CDH3: variants seen among roughly 807,000 people sequenced by gnomAD.
The protein encoded by CDH3 is cadherin-3.
A neutral mutation model predicts 82.0 loss-of-function variants in CDH3; 54 were observed. That is an observed-to-expected ratio of 0.66 (90% CI 0.53 to 0.83). The LOEUF is 0.83. Ranked by LOEUF, CDH3 falls within the 40% of genes least tolerant of loss-of-function variation. The pLI, the probability that CDH3 is intolerant of heterozygous loss-of-function variation, is 0.00. For missense variants in CDH3, 1,054 were observed against 1,084.6 expected (o/e 0.97, Z 0.40); for synonymous variants, 446 against 437.9 (o/e 1.02, Z -0.23).
downstream of CDH3, among the ~76,000 whole-genome samples, chr16:68,701,273 G>T (rs1429729145): frequency 6.6e-6 from 1 of 152,046 alleles, no homozygotes; most frequent in Non-Finnish European, 1.5e-5. Flanking sequence ...CAGAGCCTGG[G>T]CTCTGTGATG....
intron 2 of CDH3, among the ~76,000 whole-genome samples, chr16:68,663,493 C>T (rs978730351): frequency 6.6e-6 from 1 of 152,060 alleles, no homozygotes; most frequent in Non-Finnish European, 1.5e-5. Context: ...CTCGGCCTCC[C>T]AAAGTGCTGG....
intron 1 of CDH3, among the ~76,000 whole-genome samples, chr16:68,709,687 C>A (rs1486868689): frequency 6.6e-6 from 1 of 152,110 alleles, no homozygotes; most frequent in Non-Finnish European, 1.5e-5. Flanking sequence ...TCAAGCGACC[C>A]ACTCACCTCG....
chr16:68,682,869 A>C (rs974982813), intron 9 of CDH3, among the ~76,000 whole-genome samples: 7 of 152,122 alleles, frequency 4.6e-5, no homozygotes, highest in Non-Finnish European at 7.4e-5. Flanking sequence ...TGAATCACTG[A>C]GGCACACTCT....
chr16:68,685,005 A>G (rs1961364031), intron 10 of CDH3, among the ~76,000 whole-genome samples, 181 bp downstream of exon 10: 1 of 152,048 alleles, frequency 6.6e-6, no homozygotes, highest in African/African-American at 2.4e-5. Context: ...GGGGGCAGGT[A>G]TTTCTCACTC....
chr16:68,707,805 C>A lies in CDH3; in HGVS notation c.99+11882C>A, dbSNP rs936498983. 1.3e-5 allele frequency among the ~76,000 whole-genome samples: 2 copies of A among 152,028 alleles called. No individual in the cohort carries two copies. Among genetic ancestry groups the A allele is most frequent in the African/African-American group, 2.4e-5 (1 of 41,380 alleles). ...GGGTGGGAAGCCACCCCTGCATTCC[C>A]TGTACCCACTGCCCAGCAAGCGGCA... On this transcript the variant is annotated intron_variant, in intron 1 of 2. Coordinates refer to the CDH3 transcript ENST00000569080. The surrounding 1 kb of genome is among the most constrained non-coding windows in gnomAD (Gnocchi z 4.5).
intron 2 of CDH3, among the ~76,000 whole-genome samples, chr16:68,723,280 T>A (rs1962183956): frequency 6.6e-6 from 1 of 152,160 alleles, no homozygotes; most frequent in African/African-American, 2.4e-5. Context: ...AGTTATATAT[T>A]ATTCATAACA....
Position 68,699,956 on chromosome 16 carries a change from C to T in CDH3, c.*1556C>T, listed in dbSNP as rs190647620. Reference sequence around the variant, plus strand: ...TACTTTTAAAGGCCAGACAGGACTTCGATTATTTCCTCTAAATCCTCACAA... The same window carrying T: ...TACTTTTAAAGGCCAGACAGGACTTTGATTATTTCCTCTAAATCCTCACAA... On this transcript the variant is annotated 3_prime_UTR_variant, in exon 16 of 16. Coordinates refer to ENST00000264012, the MANE Select transcript of CDH3 (RefSeq NM_001793.6). The T allele has an allele frequency of 6.6e-6, 1 of 152,316 alleles. No individual in the cohort carries two copies. The highest frequency in any genetic ancestry group is 2.4e-5 in the African/African-American group (1 of 41,576). 9.4% of individuals were successfully genotyped at this position (152,316 alleles called of 1,614,324 possible).
Position 68,695,399 on chromosome 16 carries a change from G to A in CDH3, c.2133+14G>A. On this transcript the variant is annotated intron_variant, in intron 14 of 15. Coordinates refer to ENST00000264012, the MANE Select transcript of CDH3 (RefSeq NM_001793.6). ...GAAGAGGACCAGGTGGGGCACTGGG[G>A]GCTCTGGGATTGGGAGGTGGATGCC... The A allele has an allele frequency of 3.1e-6, 5 of 1,600,422 alleles. No individual in the cohort carries two copies. Among genetic ancestry groups the A allele is most frequent in the Non-Finnish European group, 4.3e-6 (5 of 1,173,850 alleles).
intron 2 of CDH3, among the ~76,000 whole-genome samples, chr16:68,646,986 C>A (rs886870320): frequency 4.2e-5 from 3 of 71,784 alleles, no homozygotes; most frequent in South Asian, 5.1e-4. Context: ...TAAAAAAATT[C>A]TTTCTGCAAA....
At chr16:68,651,247 G>A (rs1960233165) in intron 2 of CDH3, 1 of 536,618 alleles carries the variant, frequency 1.9e-6, no homozygotes, top group Non-Finnish European at 3.8e-6. Context: ...ATACTTGTTG[G>A]TGCCCAGCTT....
At chr16:68,677,833 T>C (rs987955585) in intron 3 of CDH3, among the ~76,000 whole-genome samples, 1 of 152,240 alleles carries the variant, frequency 6.6e-6, no homozygotes, top group Non-Finnish European at 1.5e-5. Flanking sequence ...TTCCACTAGA[T>C]GGATGTGCTG....
At chr16:68,654,425 G>T (rs1673570079) in intron 2 of CDH3, among the ~76,000 whole-genome samples, 1 of 89,704 alleles carries the variant, frequency 1.1e-5, no homozygotes, top group African/African-American at 4.9e-5. Flanking sequence ...TTTTGCGGCT[G>T]GGTGCGTTGG....
chr16:68,691,349 T>C (rs1961568372), intron 12 of CDH3, among the ~76,000 whole-genome samples: 1 of 151,748 alleles, frequency 6.6e-6, no homozygotes, highest in Admixed American at 6.6e-5. Flanking sequence ...AAAAAAAAAA[T>C]GGGTTAGCTA....
chr16:68,672,216 A>AT (rs1555505652), intron 2 of CDH3, among the ~76,000 whole-genome samples: 2 of 141,602 alleles, frequency 1.4e-5, no homozygotes, highest in East Asian at 4.3e-4. Context: ...AAATAAATAA[A>AT]AAATAAAAAA....
At chr16:68,683,965 G>A (rs1438935294) in intron 9 of CDH3, among the ~76,000 whole-genome samples, 3 of 151,504 alleles carry the variant, frequency 2.0e-5, no homozygotes, top group African/African-American at 7.3e-5. Context: ...TACTCGAGAG[G>A]CTGAGGCAGG....
At chr16:68,731,045 A>ATACATATATAT (rs1396395240), downstream of CDH3, among the ~76,000 whole-genome samples, 13 of 17,260 alleles carry the variant, frequency 7.5e-4, no homozygotes, top group African/African-American at 1.9e-3. Flanking sequence ...AAAAAAAAAA[A>ATACATATATAT]AAATATATAT....
At chr16:68,700,603 A>C (rs920146351), downstream of CDH3, among the ~76,000 whole-genome samples, 1 of 152,216 alleles carries the variant, frequency 6.6e-6, no homozygotes, top group African/African-American at 2.4e-5. Context: ...CAGGGGTTCG[A>C]GACCAGCCTG....
chr16:68,682,589 C>A, intron 9 of CDH3, 102 bp downstream of exon 9: 1 of 1,097,042 alleles, frequency 9.1e-7, no homozygotes, highest in South Asian at 1.3e-5. Context: ...GTCCAGGAAT[C>A]GTACCAGCCC....
In CDH3 at chr16:68,689,833, C is replaced by T. The variant is rs564948372; in HGVS notation, c.1796-1887C>T. On this transcript the variant is annotated intron_variant, in intron 12 of 15. Transcript: ENST00000264012. Reference sequence around the variant, plus strand: ...TCTGTGCTGAGATAGGCTGACAACCCGGGGAGGGGGTGGGGGTAGAAACGT... The same window carrying T: ...TCTGTGCTGAGATAGGCTGACAACCTGGGGAGGGGGTGGGGGTAGAAACGT... 5.5e-4 allele frequency among the ~76,000 whole-genome samples: 74 copies of T among 135,322 alleles called. 2 individuals carry two copies. The South Asian group carries it at 0.015, about 27-fold the overall frequency. The allele number at this position is 135,322 out of a possible 152,430, so 88.8% of individuals were successfully genotyped here.
Sources: gnomAD v4.1 joint callset for allele counts (sites outside exome capture counted in the v4.1 genomes callset) on GRCh38, gnomAD v4.1.1 for gene constraint, Gnocchi (gnomAD v3.1) non-coding constraint, MANE v1.5 for transcripts, NCBI Gene and HGNC (gene_info 2026-07-23, HGNC 2026-07-21) for gene names.